PCCA: variants seen among roughly 807,000 people sequenced by gnomAD.
PCCA encodes the protein propionyl-CoA carboxylase subunit alpha, also known as propionyl-CoA carboxylase alpha chain, mitochondrial.
In PCCA, 74 loss-of-function variants were observed where a neutral mutation model predicts 101.3. The ratio of observed to expected loss-of-function variants is 0.73; its 90% CI spans 0.61 to 0.89. The LOEUF (loss-of-function observed/expected upper bound fraction) is 0.89, where lower values mean the gene tolerates loss of function less well. Ranked by LOEUF, PCCA falls within the 40% of genes least tolerant of loss-of-function variation. The pLI, the probability that PCCA is intolerant of heterozygous loss-of-function variation, is 0.00. For missense variants in PCCA, 891 were observed against 907.0 expected, an observed-to-expected ratio of 0.98 and a Z score of 0.23; for synonymous variants, 294 against 313.6, an observed-to-expected ratio of 0.94 and a Z score of 0.66.
intron 7 of PCCA, among the ~76,000 whole-genome samples, chr13:100,234,474 TA>T (rs35693167): frequency 0.16 from 22,224 of 136,334 alleles, 1,681 homozygotes; most frequent in Middle Eastern, 0.22. Context: ...CTGCTTGGAG[TA>T]AAAAAAAAAA....
intron 18 of PCCA, among the ~76,000 whole-genome samples, chr13:100,355,800 A>G (rs968726002): frequency 6.6e-6 from 1 of 152,172 alleles, no homozygotes; most frequent in Non-Finnish European, 1.5e-5. Context: ...TCCAAAATTC[A>G]TATGAAAATG....
At chr13:100,302,209 C>G (rs1378323923) in intron 13 of PCCA, among the ~76,000 whole-genome samples, 3 of 151,990 alleles carry the variant, frequency 2.0e-5, no homozygotes, top group African/African-American at 7.2e-5. Context: ...ATGACTAAAA[C>G]AAGAATGCAA....
intron 8 of PCCA, among the ~76,000 whole-genome samples, chr13:100,254,260 G>T (rs896280917): frequency 1.2e-4 from 19 of 152,138 alleles, no homozygotes; most frequent in African/African-American, 4.3e-4. Flanking sequence ...AGCACATGGG[G>T]ATTATTACAT....
At chr13:100,172,082 T>G (rs564628077) in intron 6 of PCCA, among the ~76,000 whole-genome samples, 1 of 150,972 alleles carries the variant, frequency 6.6e-6, no homozygotes, top group African/African-American at 2.4e-5. Flanking sequence ...GCGCCTCTGG[T>G]CCCAGCTGCT....
intron 11 of PCCA, among the ~76,000 whole-genome samples, chr13:100,269,182 A>G (rs2063143002): frequency 6.6e-6 from 1 of 152,190 alleles, no homozygotes; most frequent in South Asian, 2.1e-4. Flanking sequence ...TTTATCAGCT[A>G]CAATTGCACT....
At position 100,155,028 on chromosome 13, in the gene PCCA, C is replaced by T; in HGVS notation, c.350C>T (p.Thr117Ile). The T allele has an allele frequency of 1.9e-6, 3 of 1,614,082 alleles. No individual in the cohort carries two copies. Among genetic ancestry groups the T allele is most frequent in the Non-Finnish European group, 2.5e-6 (3 of 1,179,988 alleles). Residue 117 changes from threonine to isoleucine, a missense_variant, in exon 5 of 24, where the codon ACC (threonine) becomes ATC (isoleucine). Transcript: ENST00000376285. ...DEAVCVGPAP[T>I]SKSYLNMDAI... ...GCTGTCTGTGTTGGCCCAGCTCCCA[C>T]CAGTAAAAGCTACCTCAACATGGAT...
At chr13:100,318,706 C>T (rs1187873073) in intron 16 of PCCA, among the ~76,000 whole-genome samples, 10 of 152,154 alleles carry the variant, frequency 6.6e-5, no homozygotes, top group Non-Finnish European at 1.2e-4. Flanking sequence ...GTATATGTGC[C>T]ACATTTTCTT....
chr13:100,161,324 CTTTAA>C (rs1394492556), intron 6 of PCCA: 6 of 152,176 alleles, frequency 3.9e-5, no homozygotes, highest in Non-Finnish European at 1.5e-5. Context: ...TCTATATGTT[CTTTAA>C]TTTAACAGTT....
At chr13:100,492,415 T>C (rs2084972786) in intron 21 of PCCA, among the ~76,000 whole-genome samples, 1 of 152,076 alleles carries the variant, frequency 6.6e-6, no homozygotes, top group African/African-American at 2.4e-5. Context: ...ATTACAGGCG[T>C]GAGCCGCCGA....
At chr13:100,239,986 T>G (rs1800865816) in intron 8 of PCCA, among the ~76,000 whole-genome samples, 1 of 152,166 alleles carries the variant, frequency 6.6e-6, no homozygotes. Flanking sequence ...AATACATCAA[T>G]AGGCATTGTC....
At chr13:100,242,000 A>G (rs1347271608) in intron 8 of PCCA, among the ~76,000 whole-genome samples, 1 of 152,192 alleles carries the variant, frequency 6.6e-6, no homozygotes, top group Non-Finnish European at 1.5e-5. Context: ...CATTTCTACC[A>G]AGAATATATA....
rs910872322 is a variant in PCCA at position 100,394,582 on chromosome 13, G to T, written c.1746+26008G>T. ...AGTAACTGAATCTGGTAACAGGGTA[G>T]TTGTTTGTTTCAGAAGCTTATATTA... On this transcript the variant is annotated intron_variant, in intron 19 of 23. Coordinates refer to ENST00000376285, the MANE Select transcript of PCCA (RefSeq NM_000282.4). This position sits in a 1 kb window ranked among gnomAD's most constrained non-coding sequence, Gnocchi z 4.3. Among the ~76,000 whole-genome samples, 1 of 152,092 alleles carries T rather than the reference G, an allele frequency of 6.6e-6. No homozygotes were observed. The highest frequency in any genetic ancestry group is 1.5e-5 in the Non-Finnish European group (1 of 68,032).
At chr13:100,250,953 T>C (rs538568080) in intron 8 of PCCA, among the ~76,000 whole-genome samples, 12 of 152,156 alleles carry the variant, frequency 7.9e-5, no homozygotes, top group Non-Finnish European at 1.3e-4. Flanking sequence ...TATGGTTTTT[T>C]CGTAGTATAA....
In PCCA at chr13:100,424,256, A is replaced by G. The variant is rs1038793752; in HGVS notation, c.1747-1377A>G. Among the ~76,000 whole-genome samples the G allele has an allele frequency of 1.1e-4, 17 of 152,136 alleles. 1 individual carries two copies. Among genetic ancestry groups the G allele is most frequent in the Non-Finnish European group, 1.5e-5 (1 of 68,032 alleles). On this transcript the variant is annotated intron_variant, in intron 19 of 23. Coordinates refer to ENST00000376285, the MANE Select transcript of PCCA (RefSeq NM_000282.4). The stretch of plus-strand genomic sequence containing the variant: ...CTGGGTTAGATGCAAATACTACACC[A>G]TTTTATATCAGGGACTTGGAGCATC...
chr13:100,285,483 G>GT (rs2064537082), intron 12 of PCCA, among the ~76,000 whole-genome samples: 1 of 152,204 alleles, frequency 6.6e-6, no homozygotes, highest in African/African-American at 2.4e-5. Context: ...TGGCCTCACT[G>GT]TTTAAGTGTA....
chr13:100,288,820 CT>C (rs1388982472), intron 12 of PCCA, among the ~76,000 whole-genome samples: 1 of 151,846 alleles, frequency 6.6e-6, no homozygotes, highest in Non-Finnish European at 1.5e-5. Context: ...CTCCTTCCTT[CT>C]TTTCCTTTTT....
intron 4 of PCCA, among the ~76,000 whole-genome samples, chr13:100,120,262 A>G (rs1342075449): frequency 6.7e-6 from 1 of 149,034 alleles, no homozygotes; most frequent in Non-Finnish European, 1.5e-5. Context: ...AACTACAGCC[A>G]TGAACTCCTG....
At chr13:100,108,015 G>A (rs190094973) in intron 2 of PCCA, among the ~76,000 whole-genome samples, 60 of 152,244 alleles carry the variant, frequency 3.9e-4, no homozygotes, top group African/African-American at 1.4e-3. Context: ...AGAAGAGTTG[G>A]GCAAGTGACC....
intron 11 of PCCA, among the ~76,000 whole-genome samples, chr13:100,272,831 G>A (rs1219672962): frequency 1.3e-5 from 2 of 152,276 alleles, no homozygotes; most frequent in Non-Finnish European, 2.9e-5. Flanking sequence ...GATTGATTGT[G>A]TATGTTAGAT....
Sources: allele counts gnomAD v4.1 joint callset (sites outside exome capture counted in the v4.1 genomes callset), GRCh38; gene constraint gnomAD v4.1.1; non-coding constraint Gnocchi (gnomAD v3.1); transcripts MANE v1.5; gene names NCBI Gene and HGNC (gene_info 2026-07-23, HGNC 2026-07-21).